The following DIP2B variants were observed in gnomAD, a reference collection of about 807,000 sequenced individuals.
DIP2B encodes DIP2 acetate--CoA ligase B (putative).
Under a neutral mutation model 198.0 loss-of-function variants are expected in DIP2B, and 76 were observed. That is an observed-to-expected ratio of 0.38 (90% CI 0.32 to 0.46). The LOEUF (loss-of-function observed/expected upper bound fraction) is 0.46, where lower values mean the gene tolerates loss of function less well. DIP2B is among the 20% of genes least tolerant of loss of function. The pLI is 0.99. For synonymous variants in DIP2B, 701 were observed against 739.1 expected (o/e 0.95, Z 0.84); for missense variants, 1,559 against 1,978.4 (o/e 0.79, Z 4.02).
chr12:50,531,077 G>A (rs868445354), intron 1 of DIP2B, among the ~76,000 whole-genome samples: 3 of 152,112 alleles, frequency 2.0e-5, no homozygotes, highest in East Asian at 3.9e-4. Flanking sequence ...ATGGAGTCTC[G>A]CTCTGTCGCC....
intron 7 of DIP2B, among the ~76,000 whole-genome samples, chr12:50,677,250 C>T (rs1406085727): frequency 6.6e-6 from 1 of 152,106 alleles, no homozygotes; most frequent in Non-Finnish European, 1.5e-5. Context: ...AGCGCTGAGT[C>T]TGTGTGTGTT....
At chr12:50,684,381 C>G (rs142541326) in intron 10 of DIP2B, among the ~76,000 whole-genome samples, 1 of 152,308 alleles carries the variant, frequency 6.6e-6, no homozygotes, top group East Asian at 1.9e-4. Flanking sequence ...GCATATGTAA[C>G]AGATTTCCAT....
intron 22 of DIP2B, among the ~76,000 whole-genome samples, chr12:50,709,637 C>CA (rs60753279): frequency 1.9e-3 from 248 of 128,096 alleles, no homozygotes; most frequent in African/African-American, 2.7e-3. Flanking sequence ...GACTCTGTCT[C>CA]AAAAAAAAAA....
chr12:50,601,301 A>G (rs1471567841), intron 1 of DIP2B, among the ~76,000 whole-genome samples: 2 of 151,464 alleles, frequency 1.3e-5, no homozygotes, highest in Non-Finnish European at 2.9e-5. Context: ...AAGTCTTTTC[A>G]TTTAAAGGGT....
intron 25 of DIP2B, 80 bp downstream of exon 25, chr12:50,719,115 C>A: frequency 6.9e-7 from 1 of 1,459,480 alleles, no homozygotes; most frequent in Non-Finnish European, 9.3e-7. Flanking sequence ...TTTCTTTCAT[C>A]AGAAAATTTC....
At chr12:50,551,031 A>G (rs568505459) in intron 1 of DIP2B, among the ~76,000 whole-genome samples, 6 of 152,206 alleles carry the variant, frequency 3.9e-5, no homozygotes, top group Admixed American at 3.9e-4. Flanking sequence ...TCAGGGCTGC[A>G]GTGTGCTGAA....
intron 1 of DIP2B, among the ~76,000 whole-genome samples, chr12:50,582,145 G>GTTTTTTTTTTTTTTTTTTT (rs367699036): frequency 1.0e-4 from 8 of 77,550 alleles, no homozygotes; most frequent in African/African-American, 2.5e-4. Context: ...CTTTTTTTCT[G>GTTTTTTTTTTTTTTTTTTT]TTTTTTTTTT....
At chr12:50,635,827 T>G (rs1019458366) in intron 2 of DIP2B, among the ~76,000 whole-genome samples, 5 of 152,158 alleles carry the variant, frequency 3.3e-5, no homozygotes, top group Non-Finnish European at 7.3e-5. Context: ...ATAAGCAGGA[T>G]TTTTAGGTAA....
At chr12:50,689,173 G>A (rs1236867806) in intron 12 of DIP2B, among the ~76,000 whole-genome samples, 1 of 152,088 alleles carries the variant, frequency 6.6e-6, no homozygotes, top group African/African-American at 2.4e-5. Flanking sequence ...TTAGGCAGGC[G>A]GATCATTTGA....
At chr12:50,683,012 G>T in intron 9 of DIP2B, 126 bp from the exon 10 acceptor site, 2 of 781,720 alleles carry the variant, frequency 2.6e-6, no homozygotes, top group Non-Finnish European at 4.0e-6. Flanking sequence ...TTCCTTTAGA[G>T]CAGATGGCTG....
At chr12:50,538,306 A>G (rs1464328402) in intron 1 of DIP2B, among the ~76,000 whole-genome samples, 1 of 152,230 alleles carries the variant, frequency 6.6e-6, no homozygotes, top group Non-Finnish European at 1.5e-5. Flanking sequence ...GTGAAAGCTT[A>G]AGGGTTTGAG....
chr12:50,568,412 G>C (rs1285639239), intron 1 of DIP2B, among the ~76,000 whole-genome samples: 1 of 152,078 alleles, frequency 6.6e-6, no homozygotes, highest in Non-Finnish European at 1.5e-5. Flanking sequence ...GGAAAACAAA[G>C]GTAAAAAAAG....
intron 12 of DIP2B, chr12:50,686,951 G>T (rs919445761): frequency 5.5e-5 from 16 of 291,580 alleles, no homozygotes; most frequent in African/African-American, 3.3e-4. Context: ...AAGTACAAGC[G>T]TTTAGGAAAT....
chr12:50,739,403 T>C lies in DIP2B; in HGVS notation c.4177-6T>C, dbSNP rs1456583070. 9.4e-6 allele frequency: 15 copies of C among 1,600,966 alleles called. No homozygotes were observed. Among genetic ancestry groups the C allele is most frequent in the African/African-American group, 1.3e-5 (1 of 74,752 alleles). ...GTGAGTTGTGATCAAAGCACTTTTC[T>C]TGTAGATTTGGGTGAACAGTCCCCA... is the stretch of plus-strand genomic sequence containing the variant. On this transcript the variant is annotated splice_polypyrimidine_tract_variant and splice_region_variant and intron_variant, in intron 35 of 37. Transcript: ENST00000301180.
At chr12:50,563,291 A>T (rs1388098570) in intron 1 of DIP2B, among the ~76,000 whole-genome samples, 1 of 151,926 alleles carries the variant, frequency 6.6e-6, no homozygotes, top group Admixed American at 6.6e-5. Context: ...GGCTCAAACG[A>T]TTCTTCCACC....
chr12:50,526,624 G>GT (rs1431459329), intron 1 of DIP2B, among the ~76,000 whole-genome samples: 25 of 91,432 alleles, frequency 2.7e-4, no homozygotes, highest in Non-Finnish European at 4.9e-4. Context: ...TTTTTCCTCT[G>GT]CCTTTTTTTT....
At position 50,734,192 on chromosome 12, in the gene DIP2B, G is replaced by C. The variant is rs376420998; in HGVS notation, c.4039G>C (p.Asp1347His). 1 of 1,614,090 alleles carries C rather than the reference G, an allele frequency of 6.2e-7. No individual in the cohort carries two copies. Among genetic ancestry groups the C allele is most frequent in the Non-Finnish European group, 8.5e-7 (1 of 1,180,002 alleles). ...TGTGGATCTGAAATCACTAAGACAT[G>C]ACAGGTACAACAGATTTATTAATGC... ...VYVDLKSLRH[D>H]RVRLVERGAP... Residue 1347 changes from aspartate to histidine, a missense_variant, in exon 33 of 38, where the codon GAC (aspartate) becomes CAC (histidine). Transcript: ENST00000301180.
chr12:50,600,878 A>G lies in DIP2B; in HGVS notation c.101-25098A>G, dbSNP rs1958928366. On this transcript the variant is annotated intron_variant, in intron 1 of 37. Transcript: ENST00000301180. ...GACTCCTCCTGGTCTTACCACCATC[A>G]CCACCATGACCACCATCACCACCAC... 6.0e-5 allele frequency among the ~76,000 whole-genome samples: 9 copies of G among 149,956 alleles called. No individual in the cohort carries two copies. The Admixed American group carries it at 6.0e-4, about 10-fold the overall frequency.
chr12:50,568,446 C>T (rs1958584848), intron 1 of DIP2B, among the ~76,000 whole-genome samples: 1 of 152,162 alleles, frequency 6.6e-6, no homozygotes, highest in Non-Finnish European at 1.5e-5. Context: ...TTAGCCTGTA[C>T]TTTTTGGCTT....
Sources: gnomAD v4.1 joint callset for allele counts (sites outside exome capture counted in the v4.1 genomes callset) on GRCh38, gnomAD v4.1.1 for gene constraint, MANE v1.5 for transcripts, NCBI Gene and HGNC (gene_info 2026-07-23, HGNC 2026-07-21) for gene names.